The following NTN4 variants were observed in gnomAD, a reference collection of about 807,000 sequenced individuals.
NTN4 encodes netrin-4.
NTN4 carries 32 observed loss-of-function variants against 73.6 expected under a neutral mutation model. The ratio of observed to expected loss-of-function variants is 0.44; its 90% CI spans 0.33 to 0.58. The LOEUF is 0.58. NTN4 is among the 20% of genes least tolerant of loss of function. The pLI is 0.04. For synonymous variants in NTN4, 258 were observed against 287.5 expected, an observed-to-expected ratio of 0.90 and a Z score of 1.04; for missense variants, 654 against 798.3, an observed-to-expected ratio of 0.82 and a Z score of 2.18.
chr12:95,679,570 C>T (rs1218180116), intron 7 of NTN4, among the ~76,000 whole-genome samples: 1 of 152,198 alleles, frequency 6.6e-6, no homozygotes, highest in Non-Finnish European at 1.5e-5. Flanking sequence ...ATTTCACCCT[C>T]ACATCCCTAT....
At chr12:95,774,567 A>T (rs2079078962) in intron 2 of NTN4, among the ~76,000 whole-genome samples, 1 of 152,230 alleles carries the variant, frequency 6.6e-6, no homozygotes, top group South Asian at 2.1e-4. Flanking sequence ...TACTCATATA[A>T]GACTTTGTTT....
rs1432565553 is a variant in NTN4, at chr12:95,682,719, G to T, written c.1498C>A (p.Leu500Ile). 1.2e-6 allele frequency: 2 copies of T among 1,611,214 alleles called. No individual in the cohort carries two copies. The highest frequency in any genetic ancestry group is 1.7e-6 in the Non-Finnish European group (2 of 1,177,698). ...ACATCCATCTCACCTGAGTGTAGAA[G>T]TGCAGAAAACCCCTGCGCATCCTCC... ...EWEDAQGFSALLHSGKCECKE... is the reference protein window; with the variant it reads ...EWEDAQGFSAILHSGKCECKE... Residue 500 changes from leucine to isoleucine, a missense_variant, in exon 7 of 10, where the codon CTT (leucine) becomes ATT (isoleucine). Transcript: ENST00000343702.
chr12:95,687,404 G>GT (rs772101085), intron 5 of NTN4, among the ~76,000 whole-genome samples: 6 of 149,742 alleles, frequency 4.0e-5, no homozygotes, highest in East Asian at 2.0e-4. Flanking sequence ...TTGTTTTTTT[G>GT]TTTTTTTGTT....
intron 2 of NTN4, among the ~76,000 whole-genome samples, chr12:95,766,650 C>T (rs1011103243): frequency 7.9e-5 from 12 of 152,198 alleles, no homozygotes; most frequent in African/African-American, 2.2e-4. Context: ...CATTATATAA[C>T]GAGGTTTCTC....
intron 9 of NTN4, among the ~76,000 whole-genome samples, chr12:95,663,134 A>T (rs1278223382): frequency 6.6e-6 from 1 of 151,996 alleles, no homozygotes; most frequent in Non-Finnish European, 1.5e-5. Flanking sequence ...AAAAGAAAAA[A>T]AAAGAAAGAA....
At chr12:95,784,175 A>C (rs985211713) in intron 2 of NTN4, among the ~76,000 whole-genome samples, 5 of 152,218 alleles carry the variant, frequency 3.3e-5, no homozygotes, top group Non-Finnish European at 7.3e-5. Context: ...CACAATTTTC[A>C]AAGATGGAAA....
rs147616403 is a variant in NTN4, at chr12:95,729,153, T to G, written c.864+8713A>C. On this transcript the variant is annotated intron_variant, in intron 3 of 9. Transcript: ENST00000343702. ...ATACATGCCCTTAGAGATGCAAAAT[T>G]AAAAGGCAAGACACTTGATTCATGT... Among the ~76,000 whole-genome samples, 1,356 of 152,244 alleles carry G rather than the reference T, an allele frequency of 8.9e-3. 14 individuals carry two copies. The highest frequency in any genetic ancestry group is 0.024 in the Middle Eastern group (7 of 294).
At chr12:95,775,728 C>T (rs2121283832) in intron 2 of NTN4, among the ~76,000 whole-genome samples, 1 of 152,366 alleles carries the variant, frequency 6.6e-6, no homozygotes, top group South Asian at 2.1e-4. Flanking sequence ...GGAGGCCTGC[C>T]TGCCTCTGCA....
At chr12:95,745,846 A>G (rs1037226838) in intron 2 of NTN4, among the ~76,000 whole-genome samples, 24 of 144,128 alleles carry the variant, frequency 1.7e-4, no homozygotes, top group African/African-American at 6.8e-4. Context: ...TGTGGGACCA[A>G]TGCATTTTCT....
intron 7 of NTN4, among the ~76,000 whole-genome samples, chr12:95,678,494 A>T (rs773139819): frequency 6.6e-6 from 1 of 152,190 alleles, no homozygotes; most frequent in Non-Finnish European, 1.5e-5. Context: ...CTCATTAACG[A>T]TAAAATTAGA....
chr12:95,702,226 G>A (rs1321271854), intron 5 of NTN4, among the ~76,000 whole-genome samples: 2 of 149,584 alleles, frequency 1.3e-5, no homozygotes, highest in African/African-American at 4.9e-5. Flanking sequence ...GTTGTAGTGA[G>A]CCAAGATTGC....
Position 95,665,852 on chromosome 12 carries a change from A to T in NTN4, c.1708T>A (p.Ser570Thr). 1 of 1,613,996 alleles carries T rather than the reference A, an allele frequency of 6.2e-7. No individual in the cohort carries two copies. The highest frequency in any genetic ancestry group is 8.5e-7 in the Non-Finnish European group (1 of 1,179,936). ...FRGKRTLYPE[S>T]WTDRGCTCPI... Reference sequence around the variant, plus strand: ...CAAGTGCATCCTCTGTCCGTCCATGATTCTGGATATAATGTTCGCTTTCCT... The same window carrying T: ...CAAGTGCATCCTCTGTCCGTCCATGTTTCTGGATATAATGTTCGCTTTCCT... The change falls in exon 9 of 10, where the codon TCA becomes ACA. Residue 570 changes from serine (S) to threonine (T), a missense_variant. Physicochemically the swap from Ser to Thr is moderately conservative, Grantham distance 58. Coordinates refer to ENST00000343702, the MANE Select transcript of NTN4 (RefSeq NM_021229.4).
intron 5 of NTN4, among the ~76,000 whole-genome samples, chr12:95,686,791 G>A (rs1239702244): frequency 6.6e-6 from 1 of 151,852 alleles, no homozygotes; most frequent in Non-Finnish European, 1.5e-5. Context: ...GAAAAGGAGG[G>A]CAAGGAAGGC....
At chr12:95,747,551 G>C (rs967843910) in intron 2 of NTN4, among the ~76,000 whole-genome samples, 9 of 152,018 alleles carry the variant, frequency 5.9e-5, no homozygotes, top group Non-Finnish European at 1.2e-4. Flanking sequence ...AGATCTTCCT[G>C]CCTTGGTCTC....
At position 95,777,883 on chromosome 12, in the gene NTN4, G is replaced by A. The variant is rs539867689; in HGVS notation, c.585+9056C>T. Among the ~76,000 whole-genome samples, 94 of 149,744 alleles carry A rather than the reference G, an allele frequency of 6.3e-4. 2 individuals are homozygous for A. Among genetic ancestry groups the A allele is most frequent in the Admixed American group, 2.8e-3 (42 of 15,026 alleles). On this transcript the variant is annotated intron_variant, in intron 2 of 9. Transcript: ENST00000343702. The stretch of plus-strand genomic sequence containing the variant: ...TATACATTCTTCTCAGCACCACATC[G>A]CACTTATTCCAAAATTGACCACATA...
intron 7 of NTN4, among the ~76,000 whole-genome samples, chr12:95,678,035 A>C (rs1014638776): frequency 6.6e-6 from 1 of 152,244 alleles, no homozygotes; most frequent in Non-Finnish European, 1.5e-5. Flanking sequence ...TGTCCTTTGC[A>C]GGGACGTGGA....
intron 2 of NTN4, among the ~76,000 whole-genome samples, chr12:95,785,748 A>T (rs1216977882): frequency 2.6e-5 from 4 of 152,176 alleles, no homozygotes. Context: ...ATTATACACA[A>T]CTACCTGGGA....
At chr12:95,727,696 C>T (rs960873899) in intron 3 of NTN4, among the ~76,000 whole-genome samples, 4 of 152,178 alleles carry the variant, frequency 2.6e-5, no homozygotes, top group Middle Eastern at 6.3e-3. Context: ...GTTTTAATTA[C>T]TATAGATTTG....
intron 5 of NTN4, among the ~76,000 whole-genome samples, chr12:95,706,667 CCAA>C (rs1222957658): frequency 1.3e-5 from 2 of 152,172 alleles, no homozygotes; most frequent in Non-Finnish European, 2.9e-5. Flanking sequence ...AATCAATCCT[CCAA>C]CGTTTTCTTG....
Sources: allele counts gnomAD v4.1 joint callset (sites outside exome capture counted in the v4.1 genomes callset), GRCh38; gene constraint gnomAD v4.1.1; transcripts MANE v1.5; gene names NCBI Gene and HGNC (gene_info 2026-07-23, HGNC 2026-07-21).